The following RYR3 variants were observed in gnomAD, a reference collection of about 807,000 sequenced individuals.
The protein encoded by RYR3 is ryanodine receptor 3, also known as brain ryanodine receptor-calcium release channel.
RYR3 carries 207 observed loss-of-function variants against 584.3 expected under a neutral mutation model. The ratio of observed to expected loss-of-function variants is 0.35; its 90% CI spans 0.32 to 0.40. RYR3 has a LOEUF of 0.40. Ranked by LOEUF, RYR3 falls within the 10% of genes least tolerant of loss-of-function variation. RYR3 has a pLI of 1.00. For synonymous variants in RYR3, 2,416 were observed against 2,248.5 expected, an observed-to-expected ratio of 1.07 and a Z score of -2.11; for missense variants, 5,616 against 6,089.2, an observed-to-expected ratio of 0.92 and a Z score of 2.59.
intron 1 of RYR3, among the ~76,000 whole-genome samples, chr15:33,442,886 G>T (rs1050213808): frequency 6.6e-6 from 1 of 152,216 alleles, no homozygotes; most frequent in Non-Finnish European, 1.5e-5. Context: ...TCTTACAGTA[G>T]AACACAGTTG....
In RYR3 at chr15:33,327,046, C is replaced by T. The variant is rs78809865; in HGVS notation, c.51+15950C>T. ...CCACTGACAGAGAACTGGCATTGCC[C>T]CTTGCATGGAAGTGAAAGACGAGAC... On this transcript the variant is annotated intron_variant, in intron 1 of 103. Transcript: ENST00000634891. Among the ~76,000 whole-genome samples, 114 of 151,914 alleles carry T rather than the reference C, an allele frequency of 7.5e-4. 3 individuals carry two copies. The East Asian group carries it at 0.018, about 24-fold the overall frequency.
intron 47 of RYR3, among the ~76,000 whole-genome samples, chr15:33,730,922 C>T (rs1182280673): frequency 6.6e-6 from 1 of 152,150 alleles, no homozygotes; most frequent in Non-Finnish European, 1.5e-5. Context: ...GTGAATTGCT[C>T]GAAGTGCTCA....
At chr15:33,845,409 T>C (rs2024831543) in intron 93 of RYR3, among the ~76,000 whole-genome samples, 1 of 152,202 alleles carries the variant, frequency 6.6e-6, no homozygotes, top group African/African-American at 2.4e-5. Flanking sequence ...CCTGCCACCA[T>C]GCCCAGCTAA....
At chr15:33,318,527 G>A (rs1010481919) in intron 1 of RYR3, among the ~76,000 whole-genome samples, 2 of 152,228 alleles carry the variant, frequency 1.3e-5, no homozygotes, top group African/African-American at 4.8e-5. Context: ...GAGCACATGA[G>A]GGCATTGCTG....
intron 10 of RYR3, among the ~76,000 whole-genome samples, chr15:33,556,960 T>C (rs2057107732): frequency 6.6e-6 from 1 of 152,236 alleles, no homozygotes; most frequent in Non-Finnish European, 1.5e-5. Context: ...AAAGCCATTT[T>C]CTAATAGTAG....
intron 10 of RYR3, among the ~76,000 whole-genome samples, chr15:33,555,179 G>A (rs11072541): frequency 0.025 from 3,805 of 152,252 alleles, 158 homozygotes; most frequent in African/African-American, 0.087. Flanking sequence ...CCCTGCCTAC[G>A]TTTCACATGC....
At chr15:33,825,725 T>C in intron 82 of RYR3, 49 bp downstream of exon 82, 1 of 515,484 alleles carries the variant, frequency 1.9e-6, no homozygotes, top group Non-Finnish European at 2.9e-6. Context: ...ATTAAAATCT[T>C]TTTTTTTTTT....
rs546032094 is a variant in RYR3 at position 33,330,414 on chromosome 15, A to G, written c.51+19318A>G. ...GCCATCATGCCATTTTTTGCCTCCC[A>G]ACTTTTCCCAATCAACCATAGCTTT... On this transcript the variant is annotated intron_variant, in intron 1 of 103. Coordinates refer to ENST00000634891, the MANE Select transcript of RYR3 (RefSeq NM_001036.6). 4.6e-5 allele frequency among the ~76,000 whole-genome samples: 7 copies of G among 152,012 alleles called. No homozygotes were observed. The South Asian group carries it at 1.5e-3, about 32-fold the overall frequency.
Position 33,647,473 on chromosome 15 carries a change from G to C in RYR3, c.3978+13G>C. On this transcript the variant is annotated intron_variant, in intron 30 of 103. Coordinates refer to ENST00000634891, the MANE Select transcript of RYR3 (RefSeq NM_001036.6). ...TCATACAACAACAGTAAGTAAATGT[G>C]CTCAATTATGGTTTTAATTATTTGA... 2 of 1,580,352 alleles carry C rather than the reference G, an allele frequency of 1.3e-6. No individual in the cohort carries two copies. The highest frequency in any genetic ancestry group is 1.7e-6 in the Non-Finnish European group (2 of 1,149,816).
intron 1 of RYR3, among the ~76,000 whole-genome samples, chr15:33,329,076 G>A (rs572592835): frequency 3.9e-5 from 6 of 152,284 alleles, no homozygotes; most frequent in Non-Finnish European, 8.8e-5. Context: ...GTGAACTTCT[G>A]TAGTTGTCTA....
At chr15:33,856,479 C>T (rs1240052697) in intron 98 of RYR3, 2 of 152,314 alleles carry the variant, frequency 1.3e-5, no homozygotes, top group African/African-American at 2.4e-5. Context: ...TAAGCGTGCC[C>T]TAGGACACTG....
intron 42 of RYR3, among the ~76,000 whole-genome samples, chr15:33,704,308 A>C (rs965382848): frequency 4.7e-4 from 71 of 152,120 alleles, no homozygotes; most frequent in African/African-American, 1.7e-3. Flanking sequence ...AAAGAAAAAA[A>C]TCTGCTGAAA....
intron 42 of RYR3, among the ~76,000 whole-genome samples, chr15:33,705,109 C>CTG (rs1185351003): frequency 1.1e-5 from 1 of 90,884 alleles, no homozygotes; most frequent in East Asian, 2.5e-4. Flanking sequence ...CTTTCTCTCT[C>CTG]TCTCTCTCTC....
chr15:33,531,738 A>C (rs1252792849), intron 4 of RYR3, among the ~76,000 whole-genome samples: 1 of 152,086 alleles, frequency 6.6e-6, no homozygotes, highest in African/African-American at 2.4e-5. Flanking sequence ...GAAAAACAAA[A>C]ATGTCCAAAC....
chr15:33,787,205 G>A (rs1288282617), intron 66 of RYR3, among the ~76,000 whole-genome samples: 1 of 152,146 alleles, frequency 6.6e-6, no homozygotes, highest in Non-Finnish European at 1.5e-5. Flanking sequence ...TCAATTTTAA[G>A]TAGTAACCCC....
At chr15:33,612,384 G>T (rs2152566955) in intron 18 of RYR3, among the ~76,000 whole-genome samples, 1 of 152,240 alleles carries the variant, frequency 6.6e-6, no homozygotes, top group South Asian at 2.1e-4. Flanking sequence ...TTTTGAGATG[G>T]AGTTTCACTC....
chr15:33,571,680 A>C (rs2058035947), intron 12 of RYR3, among the ~76,000 whole-genome samples: 1 of 151,948 alleles, frequency 6.6e-6, no homozygotes, highest in African/African-American at 2.4e-5. Context: ...CTTTTAACTT[A>C]TTTGTGTCCT....
At position 33,777,914 on chromosome 15, in the gene RYR3, A is replaced by G. The variant is rs142972479; in HGVS notation, c.9138-2297A>G. On this transcript the variant is annotated intron_variant, in intron 64 of 103. Coordinates refer to ENST00000634891, the MANE Select transcript of RYR3 (RefSeq NM_001036.6). ...GCAGGACGCGGTGGCTCACGCCTGTAATCCCAGCACTTTGGGAGGCAGAGG... is the reference window on the plus strand; with the variant it reads ...GCAGGACGCGGTGGCTCACGCCTGTGATCCCAGCACTTTGGGAGGCAGAGG... Among the ~76,000 whole-genome samples, 574 of 152,298 alleles carry G rather than the reference A, an allele frequency of 3.8e-3. 3 individuals carry two copies. Among genetic ancestry groups the G allele is most frequent in the Middle Eastern group, 0.037 (11 of 294 alleles).
chr15:33,659,588 C>T, intron 32 of RYR3, 132 bp from the exon 33 acceptor site: 1 of 658,542 alleles, frequency 1.5e-6, no homozygotes, highest in Non-Finnish European at 2.8e-6. Flanking sequence ...CTGCGAATTT[C>T]TGAGCAGTGG....
Sources: gnomAD v4.1 joint callset for allele counts (sites outside exome capture counted in the v4.1 genomes callset) on GRCh38, gnomAD v4.1.1 for gene constraint, MANE v1.5 for transcripts, NCBI Gene and HGNC (gene_info 2026-07-23, HGNC 2026-07-21) for gene names.